Variants in DLG2 observed in about 807,000 individuals in gnomAD.
DLG2 encodes the protein disks large homolog 2.
A neutral mutation model predicts 132.5 loss-of-function variants in DLG2; 45 were observed. The observed-to-expected ratio is 0.34, with a 90% confidence interval of 0.27 to 0.44. The LOEUF (loss-of-function observed/expected upper bound fraction) is 0.44, where lower values mean the gene tolerates loss of function less well. Among genes scored for constraint, DLG2 ranks in the 20% least tolerant of loss-of-function variants. The probability of loss-of-function intolerance (pLI) is 1.00; values close to 1 mark genes in which losing one functional copy is unlikely to be tolerated. For missense variants in DLG2, 1,045 were observed against 1,196.9 expected (o/e 0.87, Z 1.87); for synonymous variants, 424 against 419.6 (o/e 1.01, Z -0.13).
intron 14 of DLG2, among the ~76,000 whole-genome samples, chr11:83,959,572 G>A (rs1323034941): frequency 6.6e-6 from 1 of 152,014 alleles, no homozygotes; most frequent in Non-Finnish European, 1.5e-5. Flanking sequence ...GACAACATTC[G>A]TGCATGTTAA....
intron 8 of DLG2, among the ~76,000 whole-genome samples, chr11:84,235,335 G>C (rs1287611262): frequency 1.3e-5 from 2 of 152,264 alleles, no homozygotes; most frequent in East Asian, 1.9e-4. Context: ...GAGGGCCGTA[G>C]GTTTCATATT....
rs113845700 is a variant in DLG2, at chr11:85,306,756, T to A, written c.41-21391A>T. ...CCCGGCTAATTTTTTGTATTTTTAG[T>A]AGAGACGGGGTTTGACTGTGTGAGC... On this transcript the variant is annotated intron_variant, in intron 3 of 27. Coordinates refer to ENST00000376104, the MANE Select transcript of DLG2 (RefSeq NM_001142699.3). Among the ~76,000 whole-genome samples the A allele has an allele frequency of 2.9e-3, 440 of 152,210 alleles. 2 individuals carry two copies. Among genetic ancestry groups the A allele is most frequent in the African/African-American group, 0.01 (423 of 41,544 alleles).
chr11:84,945,784 A>G (rs1306895824), intron 6 of DLG2, among the ~76,000 whole-genome samples: 1 of 152,084 alleles, frequency 6.6e-6, no homozygotes, highest in Non-Finnish European at 1.5e-5. Flanking sequence ...GGTAATGTGC[A>G]TCCCACGTCC....
intron 18 of DLG2, among the ~76,000 whole-genome samples, chr11:83,677,868 A>C (rs374725431): frequency 2.0e-4 from 31 of 152,188 alleles, no homozygotes; most frequent in African/African-American, 7.2e-4. Context: ...GCATAAGGCC[A>C]CACAAAGACA....
intron 3 of DLG2, among the ~76,000 whole-genome samples, chr11:85,294,377 T>A (rs187596797): frequency 1.3e-5 from 2 of 151,332 alleles, no homozygotes; most frequent in African/African-American, 4.8e-5. Context: ...GGAAAGAGAC[T>A]CGAAGAGGAA....
intron 15 of DLG2, among the ~76,000 whole-genome samples, chr11:83,903,062 A>G (rs2073898086): frequency 6.6e-6 from 1 of 152,170 alleles, no homozygotes; most frequent in African/African-American, 2.4e-5. Flanking sequence ...CTGGATGAGA[A>G]ATGTGTTATC....
intron 6 of DLG2, among the ~76,000 whole-genome samples, chr11:85,070,274 C>T (rs2065635781): frequency 6.6e-6 from 1 of 150,968 alleles, no homozygotes; most frequent in East Asian, 2.0e-4. Context: ...GCATGTTGTG[C>T]ACATGTACCC....
intron 9 of DLG2, among the ~76,000 whole-genome samples, chr11:84,099,732 T>G (rs1407507045): frequency 6.7e-6 from 1 of 148,810 alleles, no homozygotes; most frequent in Non-Finnish European, 1.5e-5. Context: ...TGATATCCTG[T>G]GGGTGTGTAT....
intron 6 of DLG2, among the ~76,000 whole-genome samples, chr11:84,808,520 C>G (rs562900832): frequency 1.3e-5 from 2 of 151,848 alleles, no homozygotes; most frequent in Non-Finnish European, 2.9e-5. Flanking sequence ...ATCAATGAAA[C>G]AAAGAATTTG....
intron 16 of DLG2, among the ~76,000 whole-genome samples, chr11:83,842,370 C>A (rs192737161): frequency 1.3e-5 from 2 of 151,620 alleles, no homozygotes; most frequent in African/African-American, 2.4e-5. Context: ...CCAAGGCGGG[C>A]GGATCATGAG....
intron 3 of DLG2, among the ~76,000 whole-genome samples, chr11:85,499,459 T>C (rs1036921910): frequency 6.6e-6 from 1 of 152,038 alleles, no homozygotes; most frequent in African/African-American, 2.4e-5. Context: ...ATTAATAGCC[T>C]ACCAACCAAA....
In DLG2 at chr11:85,173,583, A is replaced by G. The variant is rs533185045; in HGVS notation, c.187-18932T>C. 1.1e-3 allele frequency among the ~76,000 whole-genome samples: 174 copies of G among 152,302 alleles called. 1 individual carries two copies. The highest frequency in any genetic ancestry group is 4.1e-3 in the African/African-American group (169 of 41,556). On this transcript the variant is annotated intron_variant, in intron 4 of 27. Coordinates refer to ENST00000376104, the MANE Select transcript of DLG2 (RefSeq NM_001142699.3). Reference sequence around the variant, plus strand: ...AACCACATAAACAAGTCTGCTAAGTAACCAGCTAGCATCATGATAACAGGA... The same window carrying G: ...AACCACATAAACAAGTCTGCTAAGTGACCAGCTAGCATCATGATAACAGGA...
chr11:85,067,338 A>G (rs1294208345), intron 6 of DLG2, among the ~76,000 whole-genome samples: 1 of 151,540 alleles, frequency 6.6e-6, no homozygotes, highest in Non-Finnish European at 1.5e-5. Flanking sequence ...TTGTGTCTCT[A>G]TCTCCTTCAG....
rs553752209 is a variant in DLG2 at position 84,368,445 on chromosome 11, G to T, written c.520-117154C>A. ...AGGATTTGAGATTTCAAGATAAACG[G>T]TCACTAAAAATAGCATGTGCTCAAA... On this transcript the variant is annotated intron_variant, in intron 7 of 27. Transcript: ENST00000376104. 9.2e-5 allele frequency among the ~76,000 whole-genome samples: 14 copies of T among 152,038 alleles called. No individual in the cohort carries two copies. The East Asian group carries it at 2.7e-3, about 29-fold the overall frequency.
chr11:85,607,259 C>G (rs930291763), intron 2 of DLG2, among the ~76,000 whole-genome samples: 11 of 152,192 alleles, frequency 7.2e-5, no homozygotes, highest in African/African-American at 2.7e-4. Flanking sequence ...CTAACAAACC[C>G]CGACTCTTCA....
At chr11:84,041,628 G>A (rs1365840489) in intron 11 of DLG2, among the ~76,000 whole-genome samples, 1 of 151,974 alleles carries the variant, frequency 6.6e-6, no homozygotes, top group African/African-American at 2.4e-5. Flanking sequence ...CTCTGTCAGT[G>A]ACATCATTTA....
chr11:83,972,281 T>A, intron 12 of DLG2, among the ~76,000 whole-genome samples: 1 of 152,158 alleles, frequency 6.6e-6, no homozygotes. Context: ...TTAACATATT[T>A]ACTAAGAATT....
chr11:85,318,100 CA>C (rs911571777), intron 3 of DLG2, among the ~76,000 whole-genome samples: 2 of 150,676 alleles, frequency 1.3e-5, no homozygotes, highest in Admixed American at 6.6e-5. Context: ...TATCCAAAGT[CA>C]AAAAAAAGTA....
At chr11:83,771,699 A>C (rs1455493744) in intron 18 of DLG2, among the ~76,000 whole-genome samples, 1 of 152,212 alleles carries the variant, frequency 6.6e-6, no homozygotes, top group African/African-American at 2.4e-5. Flanking sequence ...ATCCATTGTT[A>C]AACATTATTT....
Sources: gnomAD v4.1 joint callset for allele counts (sites outside exome capture counted in the v4.1 genomes callset) on GRCh38, gnomAD v4.1.1 for gene constraint, MANE v1.5 for transcripts, NCBI Gene and HGNC (gene_info 2026-07-23, HGNC 2026-07-21) for gene names.